The following SPINK9 variants were observed in gnomAD, a reference collection of about 807,000 sequenced individuals.
SPINK9 encodes the protein serine peptidase inhibitor Kazal type 9.
A neutral mutation model predicts 10.8 loss-of-function variants in SPINK9; 3 were observed. The observed-to-expected ratio is 0.28, with a 90% CI of 0.13 to 0.72. The LOEUF (loss-of-function observed/expected upper bound fraction) is 0.72, where lower values mean the gene tolerates loss of function less well. Ranked by LOEUF, SPINK9 falls within the 30% of genes least tolerant of loss-of-function variation. SPINK9 has a pLI of 0.74. For synonymous variants in SPINK9, 30 were observed against 31.2 expected (o/e 0.96, Z 0.12); for missense variants, 101 against 103.2 (o/e 0.98, Z 0.09).
At chr5:148,328,290 T>C (rs1261684932) in intron 2 of SPINK9, among the ~76,000 whole-genome samples, 3 of 152,214 alleles carry the variant, frequency 2.0e-5, no homozygotes, top group Non-Finnish European at 4.4e-5. Context: ...AGTTCACTCA[T>C]GATTTGGCTC....
intron 2 of SPINK9, among the ~76,000 whole-genome samples, chr5:148,328,921 A>T (rs1339432737): frequency 6.6e-6 from 1 of 151,984 alleles, no homozygotes; most frequent in Non-Finnish European, 1.5e-5. Flanking sequence ...TTTATTGAGG[A>T]TTTTTGCATC....
At chr5:148,338,101 T>G (rs1327436073) in intron 2 of SPINK9, among the ~76,000 whole-genome samples, 1 of 152,108 alleles carries the variant, frequency 6.6e-6, no homozygotes, top group Non-Finnish European at 1.5e-5. Context: ...GCTTTTTCAG[T>G]GAAAGACAGA....
At chr5:148,327,880 C>G (rs1757087557) in intron 2 of SPINK9, among the ~76,000 whole-genome samples, 1 of 152,100 alleles carries the variant, frequency 6.6e-6, no homozygotes, top group East Asian at 1.9e-4. Context: ...TGTTTTTGTA[C>G]CAGTACCATG....
intron 2 of SPINK9, among the ~76,000 whole-genome samples, chr5:148,329,990 G>A (rs1223436536): frequency 3.9e-5 from 6 of 152,268 alleles, no homozygotes; most frequent in East Asian, 1.9e-4. Context: ...TGTTGATTTC[G>A]GGTGGAGAGT....
intron 1 of SPINK9, among the ~76,000 whole-genome samples, 178 bp downstream of exon 1, chr5:148,335,846 G>T (rs1046600783): frequency 6.6e-6 from 1 of 152,172 alleles, no homozygotes; most frequent in African/African-American, 2.4e-5. Flanking sequence ...GGGTAGAGTG[G>T]ATGTTAACAG....
upstream of SPINK9, among the ~76,000 whole-genome samples, chr5:148,333,974 G>A (rs903613452): frequency 6.6e-6 from 1 of 152,078 alleles, no homozygotes; most frequent in Admixed American, 6.6e-5. Flanking sequence ...CACCTTTGCA[G>A]GGTGATTCCT....
At chr5:148,330,406 C>T (rs948045142) in intron 2 of SPINK9, among the ~76,000 whole-genome samples, 8 of 152,250 alleles carry the variant, frequency 5.3e-5, no homozygotes, top group South Asian at 2.1e-4. Context: ...TTTGTCTGCA[C>T]GTGAGATGGG....
chr5:148,322,848 C>T (rs752028226), intron 1 of SPINK9, among the ~76,000 whole-genome samples: 2 of 152,080 alleles, frequency 1.3e-5, no homozygotes, highest in Non-Finnish European at 2.9e-5. Flanking sequence ...AAAGTAGACA[C>T]CAGACTGTTG....
At chr5:148,326,494 T>A (rs1269472165) in intron 2 of SPINK9, among the ~76,000 whole-genome samples, 1 of 152,132 alleles carries the variant, frequency 6.6e-6, no homozygotes, top group Non-Finnish European at 1.5e-5. Context: ...ATAACCAAAG[T>A]GCCCATCAAC....
intron 1 of SPINK9, 66 bp downstream of exon 1, chr5:148,335,734 T>C: frequency 6.5e-7 from 1 of 1,535,682 alleles, no homozygotes; most frequent in South Asian, 1.1e-5. Flanking sequence ...TCTGCCTATG[T>C]AATTCTGGGA....
chr5:148,322,870 C>A (rs73262436), intron 1 of SPINK9, among the ~76,000 whole-genome samples: 6,197 of 152,134 alleles, frequency 0.041, 431 homozygotes, highest in African/African-American at 0.14. Flanking sequence ...TAATGCTGAC[C>A]TTTTTCTTCC....
chr5:148,326,899 A>C (rs2113412248), intron 2 of SPINK9, among the ~76,000 whole-genome samples: 1 of 151,980 alleles, frequency 6.6e-6, no homozygotes, highest in South Asian at 2.1e-4. Flanking sequence ...ACATTTTCTT[A>C]ATCCAGTCTA....
At chr5:148,333,014 C>T (rs1214916888), upstream of SPINK9, among the ~76,000 whole-genome samples, 1 of 152,104 alleles carries the variant, frequency 6.6e-6, no homozygotes, top group African/African-American at 2.4e-5. Flanking sequence ...AAAAATTTTT[C>T]ATATTTTGCC....
upstream of SPINK9, among the ~76,000 whole-genome samples, chr5:148,333,289 C>T (rs1009342576): frequency 1.3e-5 from 2 of 152,178 alleles, no homozygotes; most frequent in African/African-American, 4.8e-5. Flanking sequence ...GACAGGCAAG[C>T]CCCAAAATTG....
At chr5:148,332,738 C>G (rs1183952556), upstream of SPINK9, among the ~76,000 whole-genome samples, 1 of 152,154 alleles carries the variant, frequency 6.6e-6, no homozygotes, top group South Asian at 2.1e-4. Flanking sequence ...CTGGACTCAT[C>G]ATAGAGGGAA....
intron 2 of SPINK9, among the ~76,000 whole-genome samples, chr5:148,327,723 T>G (rs1757084445): frequency 2.0e-5 from 3 of 151,128 alleles, no homozygotes; most frequent in Non-Finnish European, 3.0e-5. Flanking sequence ...TTTCTACATA[T>G]GGCTAGCCAG....
At chr5:148,323,224 A>T (rs1000774662) in intron 1 of SPINK9, among the ~76,000 whole-genome samples, 1 of 152,186 alleles carries the variant, frequency 6.6e-6, no homozygotes, top group East Asian at 1.9e-4. Context: ...ATGACATAGA[A>T]ATAGTGACTA....
At chr5:148,322,035 T>C (rs1278890291) in intron 1 of SPINK9, among the ~76,000 whole-genome samples, 1 of 152,236 alleles carries the variant, frequency 6.6e-6, no homozygotes, top group Non-Finnish European at 1.5e-5. Flanking sequence ...AATTATACTA[T>C]GAGAAATTTC....
At chr5:148,329,715 C>T (rs1208753465) in intron 2 of SPINK9, among the ~76,000 whole-genome samples, 8 of 151,660 alleles carry the variant, frequency 5.3e-5, no homozygotes, top group South Asian at 2.1e-4. Flanking sequence ...TCTTTGTTCT[C>T]GTTGGTTTCA....
Sources: gnomAD v4.1 joint callset for allele counts (sites outside exome capture counted in the v4.1 genomes callset) on GRCh38, gnomAD v4.1.1 for gene constraint, MANE v1.5 for transcripts, NCBI Gene and HGNC (gene_info 2026-07-23, HGNC 2026-07-21) for gene names.